The following NBEA variants were observed in gnomAD, a reference collection of about 807,000 sequenced individuals.
NBEA encodes the protein neurobeachin, also known as lysosomal-trafficking regulator 2.
Under a neutral mutation model 343.4 loss-of-function variants are expected in NBEA, and 44 were observed. The ratio of observed to expected loss-of-function variants is 0.13; its 90% CI spans 0.10 to 0.16. NBEA has a LOEUF of 0.16. Ranked by LOEUF, NBEA falls within the 10% of genes least tolerant of loss-of-function variation. The pLI is 1.00. For synonymous variants in NBEA, 1,175 were observed against 1,238.7 expected, an observed-to-expected ratio of 0.95 and a Z score of 1.08; for missense variants, 2,555 against 3,631.3, an observed-to-expected ratio of 0.70 and a Z score of 7.62.
intron 41 of NBEA, among the ~76,000 whole-genome samples, chr13:35,484,105 A>G (rs2076218613): frequency 6.6e-6 from 1 of 152,064 alleles, no homozygotes; most frequent in African/African-American, 2.4e-5. Flanking sequence ...AAATTCCAAC[A>G]GCATGTATTC....
chr13:35,269,062 T>C (rs1431154174), intron 34 of NBEA, among the ~76,000 whole-genome samples: 1 of 152,060 alleles, frequency 6.6e-6, no homozygotes, highest in African/African-American at 2.4e-5. Flanking sequence ...GATGGAAACA[T>C]GGACACATAC....
At chr13:35,295,197 A>G (rs2076879341) in intron 35 of NBEA, among the ~76,000 whole-genome samples, 1 of 150,006 alleles carries the variant, frequency 6.7e-6, no homozygotes, top group Non-Finnish European at 1.5e-5. Flanking sequence ...ATTTCCAGGC[A>G]ATGTGTAATC....
At chr13:35,376,457 A>G (rs1274983804) in intron 38 of NBEA, among the ~76,000 whole-genome samples, 1 of 152,064 alleles carries the variant, frequency 6.6e-6, no homozygotes, top group Non-Finnish European at 1.5e-5. Flanking sequence ...CTAAAATATA[A>G]TTATAGTGTT....
chr13:35,625,394 A>C (rs1223470747), intron 48 of NBEA, among the ~76,000 whole-genome samples: 2 of 152,156 alleles, frequency 1.3e-5, no homozygotes, highest in Non-Finnish European at 2.9e-5. Flanking sequence ...AGGCAGGCGG[A>C]TCACGTGAGC....
intron 40 of NBEA, among the ~76,000 whole-genome samples, chr13:35,463,068 TAAAG>T (rs1400335576): frequency 4.0e-5 from 6 of 151,716 alleles, no homozygotes; most frequent in Admixed American, 6.6e-5. Flanking sequence ...AGTAAGAAAA[TAAAG>T]AGAGAAGTAG....
chr13:35,254,324 CT>C (rs377465927), intron 34 of NBEA, among the ~76,000 whole-genome samples: 24,876 of 132,578 alleles, frequency 0.19, 1,897 homozygotes, highest in Middle Eastern at 0.33. Context: ...TTATTTTTTA[CT>C]TTTTTTTTTT....
Position 35,309,576 on chromosome 13 carries a change from C to G in NBEA, c.5887C>G (p.Leu1963Val). The change falls in exon 36 of 59, where the codon CTC becomes GTC. Residue 1963 changes from leucine to valine, a missense_variant. Coordinates refer to ENST00000379939, the MANE Select transcript of NBEA (RefSeq NM_001385012.1). ...GAATGCAGGACTTGCATTTATTGAG[C>G]TCATCAATGAAGGAAGGTAATTAAT... ...QKNAGLAFIE[L>V]INEGRLLCHA... The G allele has an allele frequency of 6.3e-7, 1 of 1,586,282 alleles. No individual in the cohort carries two copies. The highest frequency in any genetic ancestry group is 1.2e-5 in the South Asian group (1 of 86,092).
intron 48 of NBEA, among the ~76,000 whole-genome samples, chr13:35,607,991 G>C (rs967561728): frequency 1.1e-4 from 16 of 152,064 alleles, no homozygotes; most frequent in Admixed American, 7.2e-4. Context: ...AAAATATGGG[G>C]TTCTCCTCCC....
chr13:35,516,641 A>G (rs1320458438), intron 41 of NBEA, among the ~76,000 whole-genome samples: 2 of 152,096 alleles, frequency 1.3e-5, no homozygotes, highest in Admixed American at 6.6e-5. Flanking sequence ...TTCATGCCAC[A>G]TTCTGTTTTT....
intron 38 of NBEA, among the ~76,000 whole-genome samples, chr13:35,378,819 G>A (rs2041872386): frequency 6.6e-6 from 1 of 151,394 alleles, no homozygotes; most frequent in Non-Finnish European, 1.5e-5. Flanking sequence ...ACCCTGCTAA[G>A]GTAACTGCTA....
intron 39 of NBEA, among the ~76,000 whole-genome samples, chr13:35,450,754 G>A (rs909156377): frequency 6.6e-6 from 1 of 152,168 alleles, no homozygotes; most frequent in African/African-American, 2.4e-5. Flanking sequence ...CATTTTCCTA[G>A]TTAATGCTGC....
At chr13:35,100,362 A>T (rs921513285) in intron 11 of NBEA, among the ~76,000 whole-genome samples, 4 of 151,966 alleles carry the variant, frequency 2.6e-5, no homozygotes, top group African/African-American at 9.6e-5. Flanking sequence ...TATTAAGATG[A>T]TTTTTTCCAT....
intron 36 of NBEA, among the ~76,000 whole-genome samples, chr13:35,335,716 A>G (rs2039211532): frequency 6.6e-6 from 1 of 152,096 alleles, no homozygotes; most frequent in East Asian, 1.9e-4. Context: ...ATTAATTAAC[A>G]TCCTAGGAGA....
chr13:35,097,094 T>A (rs1230547536), intron 10 of NBEA, among the ~76,000 whole-genome samples: 7 of 151,940 alleles, frequency 4.6e-5, no homozygotes, highest in Non-Finnish European at 1.0e-4. Flanking sequence ...TGAATTTTTA[T>A]AATAATGATA....
At chr13:35,235,430 A>G (rs1186824394) in intron 34 of NBEA, among the ~76,000 whole-genome samples, 1 of 152,002 alleles carries the variant, frequency 6.6e-6, no homozygotes, top group Non-Finnish European at 1.5e-5. Flanking sequence ...TTTTACAGAA[A>G]TGTATAAATA....
chr13:35,345,926 A>T (rs2039846214), intron 36 of NBEA, among the ~76,000 whole-genome samples: 1 of 152,114 alleles, frequency 6.6e-6, no homozygotes, highest in South Asian at 2.1e-4. Context: ...AGCTGCTGTG[A>T]TCAATGTTTT....
chr13:35,476,969 C>A, intron 41 of NBEA: 1 of 267,278 alleles, frequency 3.7e-6, no homozygotes, highest in Non-Finnish European at 6.3e-6. Flanking sequence ...CGGCTCTCTT[C>A]TGTGCCGAAA....
In NBEA at chr13:35,452,315, T is replaced by C. The variant is rs951912914; in HGVS notation, c.6448+80T>C. 5 of 1,032,984 alleles carry C rather than the reference T, an allele frequency of 4.8e-6. No individual in the cohort carries two copies. The South Asian group carries it at 7.3e-5, about 15-fold the overall frequency. The allele number at this position is 1,032,984 out of a possible 1,614,324, so 64.0% of individuals were successfully genotyped here. A position where few individuals can be genotyped will look rare whatever the true frequency, so the allele number is the denominator to read the frequency against. On this transcript the variant is annotated intron_variant, in intron 40 of 58. Coordinates refer to ENST00000379939, the MANE Select transcript of NBEA (RefSeq NM_001385012.1). ...AATTCAAAATCTGTCTCCTAGTAAA[T>C]AAATGTGTGCCAATGGTTGTAACAA...
intron 38 of NBEA, among the ~76,000 whole-genome samples, chr13:35,355,686 C>A (rs2040453900): frequency 6.6e-6 from 1 of 151,998 alleles, no homozygotes; most frequent in African/African-American, 2.4e-5. Flanking sequence ...AATACTCTCC[C>A]CTTGGTTCTT....
Sources: gnomAD v4.1 joint callset for allele counts (sites outside exome capture counted in the v4.1 genomes callset) on GRCh38, gnomAD v4.1.1 for gene constraint, MANE v1.5 for transcripts, NCBI Gene and HGNC (gene_info 2026-07-23, HGNC 2026-07-21) for gene names.